Variants in PRKCE observed in about 807,000 individuals in gnomAD.
PRKCE encodes protein kinase C epsilon.
In PRKCE, 16 loss-of-function variants were observed where a neutral mutation model predicts 85.4. The ratio of observed to expected loss-of-function variants is 0.19; its 90% CI spans 0.13 to 0.28. The LOEUF is 0.28. PRKCE is among the 10% of genes least tolerant of loss of function. The probability of loss-of-function intolerance (pLI) is 1.00; values close to 1 mark genes in which losing one functional copy is unlikely to be tolerated. For missense variants in PRKCE, 573 were observed against 975.2 expected (o/e 0.59, Z 5.49); for synonymous variants, 388 against 371.5 (o/e 1.04, Z -0.51).
chr2:46,033,904 A>C (rs899741589), intron 10 of PRKCE, among the ~76,000 whole-genome samples: 2 of 152,176 alleles, frequency 1.3e-5, no homozygotes, highest in African/African-American at 4.8e-5. Context: ...TGAGAGGAAC[A>C]AATTGAGGGG....
At chr2:45,869,252 T>C (rs904570238) in intron 2 of PRKCE, among the ~76,000 whole-genome samples, 3 of 152,250 alleles carry the variant, frequency 2.0e-5, no homozygotes, top group African/African-American at 7.2e-5. Context: ...TTTAGAAGAA[T>C]GCAGCTTGTA....
At chr2:46,006,975 C>T (rs1348957971) in intron 8 of PRKCE, among the ~76,000 whole-genome samples, 1 of 152,182 alleles carries the variant, frequency 6.6e-6, no homozygotes. Context: ...AGGTTTCTAC[C>T]TTCAGTGATC....
intron 13 of PRKCE, among the ~76,000 whole-genome samples, chr2:46,154,749 T>TTA: frequency 6.6e-6 from 1 of 150,880 alleles, no homozygotes; most frequent in Non-Finnish European, 1.5e-5. Flanking sequence ...TTTTTTTTTT[T>TTA]ACAAAAAACT....
intron 2 of PRKCE, among the ~76,000 whole-genome samples, chr2:45,966,410 C>T (rs1033817146): frequency 1.1e-4 from 17 of 152,280 alleles, no homozygotes; most frequent in African/African-American, 4.1e-4. Context: ...GTACCTCATA[C>T]ACTTAAGGTG....
intron 11 of PRKCE, among the ~76,000 whole-genome samples, chr2:46,112,447 G>A (rs1672354376): frequency 6.6e-6 from 1 of 151,186 alleles, no homozygotes; most frequent in Non-Finnish European, 1.5e-5. Flanking sequence ...TATTGATATA[G>A]TTGGGTTAAT....
chr2:45,878,924 A>T (rs1404341401), intron 2 of PRKCE, among the ~76,000 whole-genome samples: 2 of 152,202 alleles, frequency 1.3e-5, no homozygotes, highest in Non-Finnish European at 2.9e-5. Flanking sequence ...TGCCTATTGT[A>T]GACATCTTTT....
At chr2:45,829,900 C>T (rs1313043089) in intron 1 of PRKCE, among the ~76,000 whole-genome samples, 2 of 151,592 alleles carry the variant, frequency 1.3e-5, no homozygotes, top group South Asian at 2.1e-4. Flanking sequence ...GGTGAAACCC[C>T]GTCTCTACTA....
chr2:45,710,219 A>G (rs904480759), intron 1 of PRKCE, among the ~76,000 whole-genome samples: 9 of 152,232 alleles, frequency 5.9e-5, no homozygotes, highest in South Asian at 2.1e-4. Context: ...TACTATCACT[A>G]TCCTCATATG....
At chr2:45,835,917 T>C (rs993999100) in intron 1 of PRKCE, among the ~76,000 whole-genome samples, 1 of 152,196 alleles carries the variant, frequency 6.6e-6, no homozygotes, top group East Asian at 1.9e-4. Flanking sequence ...TATTGCTAAG[T>C]AACATTCCAT....
intron 12 of PRKCE, among the ~76,000 whole-genome samples, chr2:46,148,171 G>C (rs1460669133): frequency 1.3e-5 from 2 of 152,212 alleles, no homozygotes; most frequent in Admixed American, 1.3e-4. Flanking sequence ...TTCCCAGGAA[G>C]TGGCCACCAG....
chr2:45,669,821 G>A (rs1004053653), intron 1 of PRKCE, among the ~76,000 whole-genome samples: 1 of 152,084 alleles, frequency 6.6e-6, no homozygotes, highest in Non-Finnish European at 1.5e-5. Context: ...GACCAGCCTG[G>A]CCAACATGGC....
rs1421998499 is a variant in PRKCE, at chr2:45,657,020, C to T, written c.348+4572C>T. On this transcript the variant is annotated intron_variant, in intron 1 of 14. Coordinates refer to ENST00000306156, the MANE Select transcript of PRKCE (RefSeq NM_005400.3). Reference sequence around the variant, plus strand: ...ATTTAGCACAGGGGTGGGAGGCAGGCGGAGCAAGGATTAGGGCTTGAAGGG... The same window carrying T: ...ATTTAGCACAGGGGTGGGAGGCAGGTGGAGCAAGGATTAGGGCTTGAAGGG... Among the ~76,000 whole-genome samples, 12 of 152,272 alleles carry T rather than the reference C, an allele frequency of 7.9e-5. No homozygotes were observed. The East Asian group carries it at 1.2e-3, about 15-fold the overall frequency.
At chr2:46,078,289 G>A (rs1668727791) in intron 10 of PRKCE, 1 of 151,158 alleles carries the variant, frequency 6.6e-6, no homozygotes, top group African/African-American at 2.4e-5. Flanking sequence ...AGCACTATAA[G>A]AGGCTGAGGC....
At chr2:46,012,874 T>C (rs1705805782) in intron 10 of PRKCE, among the ~76,000 whole-genome samples, 1 of 152,236 alleles carries the variant, frequency 6.6e-6, no homozygotes, top group Non-Finnish European at 1.5e-5. Context: ...ATTTCTTTTA[T>C]GGCAGAACAG....
At chr2:45,965,508 A>G (rs1367617166) in intron 2 of PRKCE, among the ~76,000 whole-genome samples, 1 of 152,180 alleles carries the variant, frequency 6.6e-6, no homozygotes, top group Non-Finnish European at 1.5e-5. Flanking sequence ...TAAAGTTTGC[A>G]CCCTAGCTTC....
chr2:46,028,719 T>C (rs543667854), intron 10 of PRKCE, among the ~76,000 whole-genome samples: 1 of 152,370 alleles, frequency 6.6e-6, no homozygotes, highest in East Asian at 1.9e-4. Context: ...GTTACATAGG[T>C]AAACTTGTGT....
At chr2:45,758,637 C>T (rs943557011) in intron 1 of PRKCE, among the ~76,000 whole-genome samples, 1 of 152,240 alleles carries the variant, frequency 6.6e-6, no homozygotes, top group South Asian at 2.1e-4. Context: ...TCCTCCCCTA[C>T]TGCCTAACAT....
At chr2:45,890,109 T>A (rs1227413636) in intron 2 of PRKCE, among the ~76,000 whole-genome samples, 1 of 152,236 alleles carries the variant, frequency 6.6e-6, no homozygotes, top group African/African-American at 2.4e-5. Context: ...GTCCTCTCCC[T>A]TGGTGATTAG....
rs1286328414 is a variant in PRKCE, at chr2:46,004,542, C to G, written c.967C>G (p.Leu323Val). The stretch of plus-strand genomic sequence containing the variant: ...TGTCCCTGCTTTCTCTCCTCTCTAG[C>G]TCATTGCTGGTGCCGAGTCCCCGCA... Reference protein sequence around the residue: ...ITNSGQRRKKLIAGAESPQPA... With the variant: ...ITNSGQRRKKVIAGAESPQPA... Residue 323 changes from leucine to valine, a missense_variant and splice_region_variant, in exon 8 of 15, where the codon CTC (leucine) becomes GTC (valine). Leu to Val is a conservative substitution (Grantham distance 32, BLOSUM62 1). Around this residue, in one of 11 missense-constraint regions of PRKCE, gnomAD observed 55 missense variants for 128.1 expected, o/e 0.43. Coordinates refer to ENST00000306156, the MANE Select transcript of PRKCE (RefSeq NM_005400.3). The surrounding 1 kb of genome is among the most constrained non-coding windows in gnomAD (Gnocchi z 4.1). The G allele has an allele frequency of 6.3e-7, 1 of 1,578,006 alleles. No individual in the cohort carries two copies. The highest frequency in any genetic ancestry group is 8.6e-7 in the Non-Finnish European group (1 of 1,168,512).
Sources: gnomAD v4.1 joint callset for allele counts (sites outside exome capture counted in the v4.1 genomes callset) on GRCh38, gnomAD v4.1.1 for gene constraint, gnomAD v4.1.1 regional missense constraint, Gnocchi (gnomAD v3.1) non-coding constraint, MANE v1.5 for transcripts, NCBI Gene and HGNC (gene_info 2026-07-23, HGNC 2026-07-21) for gene names.